The following HSF2BP variants were observed in gnomAD, a reference collection of about 807,000 sequenced individuals.
HSF2BP encodes the protein heat shock transcription factor 2 binding protein.
HSF2BP carries 35 observed loss-of-function variants against 35.0 expected under a neutral mutation model. That is an observed-to-expected ratio of 1.00 (90% CI 0.76 to 1.32). The LOEUF is 1.32. Among genes scored for constraint, HSF2BP ranks in the 40% most tolerant of loss-of-function variants. The pLI is 0.00. For missense variants in HSF2BP, 326 were observed against 321.7 expected, an observed-to-expected ratio of 1.01 and a Z score of -0.10; for synonymous variants, 114 against 117.4, an observed-to-expected ratio of 0.97 and a Z score of 0.18.
chr21:43,639,531 A>G (rs1194853785), intron 4 of HSF2BP, among the ~76,000 whole-genome samples: 2 of 152,242 alleles, frequency 1.3e-5, no homozygotes. Context: ...CAGACAGAAA[A>G]TAAATGCATG....
chr21:43,581,821 G>A (rs2081736889), intron 8 of HSF2BP, among the ~76,000 whole-genome samples: 1 of 152,136 alleles, frequency 6.6e-6, no homozygotes, highest in Non-Finnish European at 1.5e-5. Context: ...GGTCTGTGCT[G>A]CGGGAGATGA....
intron 6 of HSF2BP, among the ~76,000 whole-genome samples, chr21:43,614,435 G>A (rs1417756086): frequency 6.6e-6 from 1 of 151,828 alleles, no homozygotes; most frequent in Non-Finnish European, 1.5e-5. Flanking sequence ...AAGAGTTACT[G>A]AAATATCAAG....
chr21:43,584,052 A>AGGAGATGAAGGGCCTGCTGAG (rs1231431204), intron 8 of HSF2BP, among the ~76,000 whole-genome samples: 1 of 125,800 alleles, frequency 7.9e-6, no homozygotes, highest in Admixed American at 7.7e-5. Flanking sequence ...GACCTGCCGA[A>AGGAGATGAAGGGCCTGCTGAG]GGAGATGAAG....
At chr21:43,646,685 G>A (rs2082712878) in intron 3 of HSF2BP, among the ~76,000 whole-genome samples, 1 of 152,176 alleles carries the variant, frequency 6.6e-6, no homozygotes, top group African/African-American at 2.4e-5. Flanking sequence ...CAACCCTAGT[G>A]TAAGTTAACA....
At chr21:43,611,615 G>T (rs970256116) in intron 7 of HSF2BP, among the ~76,000 whole-genome samples, 10 of 152,216 alleles carry the variant, frequency 6.6e-5, no homozygotes, top group Non-Finnish European at 1.3e-4. Flanking sequence ...CCAGGAGAAG[G>T]TCTCTAGTGA....
chr21:43,646,554 G>C (rs1302152450), intron 3 of HSF2BP, among the ~76,000 whole-genome samples: 2 of 152,200 alleles, frequency 1.3e-5, no homozygotes, highest in Non-Finnish European at 2.9e-5. Context: ...TGGTAAAAGA[G>C]ACAGGAAATC....
At chr21:43,619,692 G>T (rs1327191485) in intron 6 of HSF2BP, among the ~76,000 whole-genome samples, 1 of 152,194 alleles carries the variant, frequency 6.6e-6, no homozygotes, top group African/African-American at 2.4e-5. Context: ...AGGTTCCCTG[G>T]CAGAAGACCT....
At chr21:43,647,954 TA>T (rs796624750) in intron 3 of HSF2BP, among the ~76,000 whole-genome samples, 20 of 146,582 alleles carry the variant, frequency 1.4e-4, no homozygotes, top group African/African-American at 4.7e-4. Context: ...AAAAAAAAAC[TA>T]AAATCAATCT....
chr21:43,604,495 CCACACACT>C (rs1568905092), intron 7 of HSF2BP, among the ~76,000 whole-genome samples: 1 of 112,848 alleles, frequency 8.9e-6, no homozygotes, highest in East Asian at 3.4e-4. Flanking sequence ...CACACACACA[CCACACACT>C]ACACACACTA....
chr21:43,646,703 G>C (rs1364375818), intron 3 of HSF2BP, among the ~76,000 whole-genome samples: 1 of 152,142 alleles, frequency 6.6e-6, no homozygotes, highest in African/African-American at 2.4e-5. Context: ...ACATACCAAA[G>C]GGACAGGGTT....
intron 8 of HSF2BP, among the ~76,000 whole-genome samples, chr21:43,575,504 A>G (rs2081631867): frequency 6.6e-6 from 1 of 152,230 alleles, no homozygotes; most frequent in Admixed American, 6.5e-5. Flanking sequence ...CCAGAAGGAG[A>G]GGATGATAAA....
intron 7 of HSF2BP, among the ~76,000 whole-genome samples, chr21:43,596,864 G>A (rs1253904704): frequency 4.1e-5 from 6 of 146,452 alleles, no homozygotes; most frequent in Non-Finnish European, 4.5e-5. Context: ...TCTGGCCTGC[G>A]TGACAGAGCA....
At chr21:43,639,550 C>T (rs2329443) in intron 4 of HSF2BP, among the ~76,000 whole-genome samples, 109,713 of 152,142 alleles carry the variant, frequency 0.72, 41,091 homozygotes, top group African/African-American at 0.93. Context: ...TGAAATGATG[C>T]TCAACATCAT....
At chr21:43,601,441 C>T (rs1033309219) in intron 7 of HSF2BP, among the ~76,000 whole-genome samples, 11 of 152,176 alleles carry the variant, frequency 7.2e-5, no homozygotes, top group Admixed American at 6.5e-5. Flanking sequence ...CTATAAATTG[C>T]CTGATTTTTT....
chr21:43,574,429 A>G (rs905653595), intron 8 of HSF2BP, among the ~76,000 whole-genome samples: 2 of 150,812 alleles, frequency 1.3e-5, no homozygotes, highest in Non-Finnish European at 3.0e-5. Flanking sequence ...GCGATCTCGG[A>G]TCACCGCAAG....
intron 8 of HSF2BP, among the ~76,000 whole-genome samples, chr21:43,584,152 C>CGAGGGAGATGAAGGGCCTGCT (rs1568887187): frequency 5.3e-5 from 6 of 113,568 alleles, no homozygotes; most frequent in African/African-American, 1.7e-4. Flanking sequence ...AAGGGCCTGC[C>CGAGGGAGATGAAGGGCCTGCT]GAGGGAGATG....
intron 1 of HSF2BP, among the ~76,000 whole-genome samples, chr21:43,658,987 G>A (rs1207429048): frequency 2.0e-5 from 3 of 152,216 alleles, no homozygotes; most frequent in Non-Finnish European, 4.4e-5. Flanking sequence ...AACGAGGTGT[G>A]CTAAATGGGA....
At chr21:43,654,785 A>T (rs1207354144) in intron 3 of HSF2BP, among the ~76,000 whole-genome samples, 1 of 152,244 alleles carries the variant, frequency 6.6e-6, no homozygotes, top group Non-Finnish European at 1.5e-5. Context: ...TCAAGACGGT[A>T]ACTGAAGCTG....
At chr21:43,629,212 T>C (rs1358986270) in intron 6 of HSF2BP, among the ~76,000 whole-genome samples, 1 of 152,256 alleles carries the variant, frequency 6.6e-6, no homozygotes, top group East Asian at 1.9e-4. Context: ...CTGATGGATC[T>C]GGGTGAAGTA....
Sources: gnomAD v4.1 joint callset for allele counts (sites outside exome capture counted in the v4.1 genomes callset) on GRCh38, gnomAD v4.1.1 for gene constraint, MANE v1.5 for transcripts, NCBI Gene and HGNC (gene_info 2026-07-23, HGNC 2026-07-21) for gene names.